Variants in EXOC2 observed in about 807,000 individuals in gnomAD.
The protein encoded by EXOC2 is SEC5-like 1.
A neutral mutation model predicts 131.8 loss-of-function variants in EXOC2; 70 were observed. That is an observed-to-expected ratio of 0.53 (90% confidence interval 0.44 to 0.65). The LOEUF (loss-of-function observed/expected upper bound fraction) is 0.65. EXOC2 is among the 30% of genes least tolerant of loss of function. The pLI, the probability that EXOC2 is intolerant of heterozygous loss-of-function variation, is 0.00. For synonymous variants in EXOC2, 411 were observed against 398.4 expected (o/e 1.03, Z -0.38); for missense variants, 923 against 1,108.6 (o/e 0.83, Z 2.38).
In EXOC2 at chr6:488,963, A is replaced by G; in HGVS notation, c.2681+16T>C. ...GCACATTCAACTGGCTCCTAAGAAC[A>G]GCACACAGGACTTACTTTTTATCTG... On this transcript the variant is annotated intron_variant, in intron 27 of 27. Coordinates refer to ENST00000230449, the MANE Select transcript of EXOC2 (RefSeq NM_018303.6). 6.2e-7 allele frequency: 1 copy of G among 1,612,826 alleles called. No individual in the cohort carries two copies. The highest frequency in any genetic ancestry group is 8.5e-7 in the Non-Finnish European group (1 of 1,179,270).
chr6:571,614 T>C (rs1263504893), intron 13 of EXOC2, among the ~76,000 whole-genome samples: 2 of 152,242 alleles, frequency 1.3e-5, no homozygotes, highest in Non-Finnish European at 2.9e-5. Flanking sequence ...CCACAAAGGC[T>C]GTGCCTTTGT....
rs1759988596 is a variant in EXOC2 at position 599,216 on chromosome 6, T to C, written c.752A>G (p.Asn251Ser). ...TTCTTGAAACAATGTGTCTGCAGTA[T>C]TACTTGCTCCTGTTTTAAAAAGAGG... ...KLENVLNRAS[N>S]TADTLFQEVL... Residue 251 changes from asparagine to serine, a missense_variant, in exon 8 of 28, where the codon AAT (asparagine) becomes AGT (serine). Coordinates refer to ENST00000230449, the MANE Select transcript of EXOC2 (RefSeq NM_018303.6). 1 of 1,569,848 alleles carries C rather than the reference T, an allele frequency of 6.4e-7. No homozygotes were observed. The highest frequency in any genetic ancestry group is 1.2e-5 in the South Asian group (1 of 82,604).
chr6:617,149 ATAAT>A (rs1761055908), intron 6 of EXOC2, among the ~76,000 whole-genome samples: 1 of 152,218 alleles, frequency 6.6e-6, no homozygotes, highest in Non-Finnish European at 1.5e-5. Flanking sequence ...CTAAATAGCA[ATAAT>A]TAAACTTTCA....
chr6:504,883 A>G lies in EXOC2; in HGVS notation c.2381-5183T>C, dbSNP rs376875534. On this transcript the variant is annotated intron_variant, in intron 23 of 27. Coordinates refer to ENST00000230449, the MANE Select transcript of EXOC2 (RefSeq NM_018303.6). The stretch of plus-strand genomic sequence containing the variant: ...GAGAGCTTACAGGTCAGTGGGGAGG[A>G]GCATCTTGCCAATTCTAAAGTAGTA... Among the ~76,000 whole-genome samples the G allele has an allele frequency of 2.0e-4, 30 of 152,282 alleles. 1 individual carries two copies. In the East Asian group the frequency reaches 2.1e-3, roughly 11 times the overall value.
At chr6:616,396 G>C (rs574848682) in intron 6 of EXOC2, among the ~76,000 whole-genome samples, 311 of 152,168 alleles carry the variant, frequency 2.0e-3, no homozygotes, top group African/African-American at 7.0e-3. Flanking sequence ...GAGGTCAGGA[G>C]ATCGAGACCA....
At chr6:641,593 A>T (rs1254935567) in intron 1 of EXOC2, among the ~76,000 whole-genome samples, 1 of 152,208 alleles carries the variant, frequency 6.6e-6, no homozygotes, top group African/African-American at 2.4e-5. Flanking sequence ...AAAATGGCAA[A>T]ACAACAAAAA....
intron 21 of EXOC2, among the ~76,000 whole-genome samples, chr6:552,877 C>T (rs1757219978): frequency 6.6e-6 from 1 of 152,030 alleles, no homozygotes; most frequent in Non-Finnish European, 1.5e-5. Context: ...CACACACACA[C>T]ACCCCCCCTT....
At chr6:505,389 G>T (rs1319882506) in intron 23 of EXOC2, among the ~76,000 whole-genome samples, 4 of 152,210 alleles carry the variant, frequency 2.6e-5, no homozygotes, top group African/African-American at 9.6e-5. Flanking sequence ...AGGATCGGGG[G>T]ACACAGACAG....
chr6:594,466 T>G (rs1759706210), intron 10 of EXOC2, among the ~76,000 whole-genome samples: 1 of 152,128 alleles, frequency 6.6e-6, no homozygotes, highest in Non-Finnish European at 1.5e-5. Context: ...GCCCTCAGAT[T>G]TGGTGTTAGT....
intron 1 of EXOC2, among the ~76,000 whole-genome samples, chr6:664,002 T>G (rs1763528201): frequency 6.6e-6 from 1 of 152,100 alleles, no homozygotes; most frequent in Non-Finnish European, 1.5e-5. Context: ...TGTCACTGTT[T>G]GCTGAAGATA....
At chr6:679,267 A>G (rs1051960850) in intron 1 of EXOC2, 1 of 152,210 alleles carries the variant, frequency 6.6e-6, no homozygotes, top group Non-Finnish European at 1.5e-5. Context: ...ATCAATCCAG[A>G]AAACACCAAG....
chr6:656,205 G>C (rs1425500741), intron 1 of EXOC2: 3 of 1,614,066 alleles, frequency 1.9e-6, no homozygotes, highest in Non-Finnish European at 2.5e-6. Context: ...GGCCGTCGTA[G>C]GATGTATTTG....
chr6:582,599 C>T (rs956721648), intron 11 of EXOC2, among the ~76,000 whole-genome samples: 8 of 148,094 alleles, frequency 5.4e-5, no homozygotes, highest in Middle Eastern at 3.2e-3. Flanking sequence ...AAGCGCACCA[C>T]ACACAAGAAT....
chr6:657,136 G>T lies in EXOC2; in HGVS notation c.-43-19275C>A, dbSNP rs527427428. On this transcript the variant is annotated intron_variant, in intron 1 of 27. Transcript: ENST00000230449. ...CCGCAGCCCTAGGCCTGGAGCCACG[G>T]AAGGGCCTCCCAACGCCCGTTCTCA... 4.2e-5 allele frequency: 18 copies of T among 428,660 alleles called. 1 individual carries two copies. In the South Asian group the frequency reaches 1.4e-3, roughly 33 times the overall value. The allele number at this position is 428,660 out of a possible 1,614,324, so 26.6% of individuals were successfully genotyped here.
chr6:656,921 G>T (rs893878017), intron 1 of EXOC2: 1 of 1,533,136 alleles, frequency 6.5e-7, no homozygotes, highest in African/African-American at 1.4e-5. Flanking sequence ...AGCCTTTGCC[G>T]GTGATCTTGG....
At chr6:656,466 G>T (rs773687295) in intron 1 of EXOC2, 1 of 1,612,110 alleles carries the variant, frequency 6.2e-7, no homozygotes, top group African/African-American at 1.3e-5. Context: ...CCTCCAGCGC[G>T]GCAGGCGGAT....
intron 23 of EXOC2, among the ~76,000 whole-genome samples, chr6:526,983 T>C (rs1454829584): frequency 6.6e-6 from 1 of 152,236 alleles, no homozygotes; most frequent in East Asian, 1.9e-4. Context: ...CAAAGCCCTC[T>C]GCCTTGCACA....
At chr6:528,177 GA>G (rs1765857441) in intron 23 of EXOC2, among the ~76,000 whole-genome samples, 1 of 151,754 alleles carries the variant, frequency 6.6e-6, no homozygotes, top group South Asian at 2.1e-4. Flanking sequence ...GGCTTTAACG[GA>G]TATCTCTTGT....
chr6:671,888 T>C (rs1210208986), intron 1 of EXOC2, among the ~76,000 whole-genome samples: 1 of 152,136 alleles, frequency 6.6e-6, no homozygotes, highest in Non-Finnish European at 1.5e-5. Flanking sequence ...GAATACAATA[T>C]GCTAAGTGTA....
Sources: allele counts gnomAD v4.1 joint callset (sites outside exome capture counted in the v4.1 genomes callset), GRCh38; gene constraint gnomAD v4.1.1; transcripts MANE v1.5; gene names NCBI Gene and HGNC (gene_info 2026-07-23, HGNC 2026-07-21).